Variants in MAJIN observed in about 807,000 individuals in gnomAD.
The protein encoded by MAJIN is membrane anchored junction protein, also known as membrane-anchored junction protein.
Under a neutral mutation model 30.2 loss-of-function variants are expected in MAJIN, and 27 were observed. That is an observed-to-expected ratio of 0.89 (90% confidence interval 0.66 to 1.23). MAJIN has a LOEUF of 1.23. Ranked by LOEUF, MAJIN falls within the 50% of genes most tolerant of loss-of-function variation. MAJIN has a pLI of 0.00. For missense variants in MAJIN, 253 were observed against 260.3 expected, an observed-to-expected ratio of 0.97 and a Z score of 0.19; for synonymous variants, 78 against 91.6, an observed-to-expected ratio of 0.85 and a Z score of 0.85.
intron 4 of MAJIN, among the ~76,000 whole-genome samples, chr11:64,952,645 G>A (rs1044356419): frequency 6.6e-6 from 1 of 152,150 alleles, no homozygotes; most frequent in African/African-American, 2.4e-5. Context: ...CTGAACCAAG[G>A]CAGCAGGGTT....
chr11:64,958,598 GAAAAAAAAAA>G (rs202169389), intron 3 of MAJIN, among the ~76,000 whole-genome samples: 3 of 102,518 alleles, frequency 2.9e-5, no homozygotes, highest in Non-Finnish European at 5.5e-5. Context: ...TGTCTTGGGA[GAAAAAAAAAA>G]AAAAAAAAAG....
chr11:64,939,177 CA>C (rs1945335014), intron 10 of MAJIN, among the ~76,000 whole-genome samples: 1 of 152,100 alleles, frequency 6.6e-6, no homozygotes, highest in Non-Finnish European at 1.5e-5. Flanking sequence ...GCCTCAGCCT[CA>C]CCTCCACCTC....
At chr11:64,957,262 T>G (rs1945651094) in intron 3 of MAJIN, among the ~76,000 whole-genome samples, 1 of 151,942 alleles carries the variant, frequency 6.6e-6, no homozygotes, top group African/African-American at 2.4e-5. Context: ...TTATTTTTTG[T>G]AGAGATGGGG....
At chr11:64,966,129 G>C (rs1005973270) in intron 1 of MAJIN, among the ~76,000 whole-genome samples, 2 of 57,250 alleles carry the variant, frequency 3.5e-5, no homozygotes, top group Non-Finnish European at 7.6e-5. Flanking sequence ...TACATGTAAG[G>C]AAGAAGATTA....
In MAJIN at chr11:64,972,052, A is replaced by G. The variant is rs1451943841; in HGVS notation, c.-240T>C. 1 of 152,230 alleles carries G rather than the reference A, an allele frequency of 6.6e-6. No individual in the cohort carries two copies. Among genetic ancestry groups the G allele is most frequent in the Non-Finnish European group, 1.5e-5 (1 of 68,050 alleles). The allele number at this position is 152,230 out of a possible 1,614,324, so 9.4% of individuals were successfully genotyped here. A position where few individuals can be genotyped will look rare whatever the true frequency, so the allele number is the denominator to read the frequency against. On this transcript the variant is annotated 5_prime_UTR_variant, in exon 1 of 11. Coordinates refer to ENST00000301896, the MANE Select transcript of MAJIN (RefSeq NM_001037225.3). Reference sequence around the variant, plus strand: ...TGAGGGACTGGCTCGCCAGCTCCTAAGCAACTTCGGGGCTCGTGCCGCGCA... The same window carrying G: ...TGAGGGACTGGCTCGCCAGCTCCTAGGCAACTTCGGGGCTCGTGCCGCGCA...
chr11:64,945,316 C>A (rs1168121249), intron 8 of MAJIN, among the ~76,000 whole-genome samples: 2 of 151,998 alleles, frequency 1.3e-5, no homozygotes, highest in Non-Finnish European at 2.9e-5. Flanking sequence ...CGAGATCGCA[C>A]CACTGCACTC....
At position 64,959,313 on chromosome 11, in the gene MAJIN, C is replaced by T. The variant is rs767657443; in HGVS notation, c.93G>A (p.Lys31=). The change falls in exon 3 of 11, where the codon AAG becomes AAA. Residue 31 remains lysine (K), a synonymous_variant. Coordinates refer to ENST00000301896, the MANE Select transcript of MAJIN (RefSeq NM_001037225.3). ...NVYKFKIRYG[K]SIRGEEIENK... ...CCTACCTTTGAAATTACCTGATACT[C>T]TTCCCATATCTGATTTTGAATTTAT... 6.2e-7 allele frequency: 1 copy of T among 1,611,928 alleles called. No individual in the cohort carries two copies. The highest frequency in any genetic ancestry group is 8.5e-7 in the Non-Finnish European group (1 of 1,178,074).
intron 5 of MAJIN, 86 bp from the exon 6 acceptor site, chr11:64,949,954 C>A: frequency 1.3e-6 from 2 of 1,500,006 alleles, no homozygotes; most frequent in Non-Finnish European, 1.8e-6. Flanking sequence ...TCTCCTTCCC[C>A]TGACCTACCC....
chr11:64,949,456 T>C (rs1238952886), intron 6 of MAJIN, among the ~76,000 whole-genome samples: 1 of 152,248 alleles, frequency 6.6e-6, no homozygotes, highest in African/African-American at 2.4e-5. Context: ...TTTGTACTTT[T>C]CATCTACTAC....
intron 3 of MAJIN, among the ~76,000 whole-genome samples, chr11:64,956,739 C>T (rs1009032470): frequency 2.0e-5 from 3 of 149,078 alleles, no homozygotes; most frequent in African/African-American, 7.4e-5. Flanking sequence ...TCCTACCTTT[C>T]CAAACTACAA....
intron 8 of MAJIN, among the ~76,000 whole-genome samples, chr11:64,947,095 AT>A (rs1339967359): frequency 6.6e-6 from 1 of 152,218 alleles, no homozygotes; most frequent in Non-Finnish European, 1.5e-5. Flanking sequence ...AGTAAGTATT[AT>A]TGAATGTGCT....
chr11:64,954,890 A>G, intron 3 of MAJIN, 88 bp from the exon 4 acceptor site: 1 of 1,140,812 alleles, frequency 8.8e-7, no homozygotes. Flanking sequence ...TAACACTTCC[A>G]CTGAGCTAAA....
At chr11:64,939,997 G>A in intron 9 of MAJIN, 1 of 418,198 alleles carries the variant, frequency 2.4e-6, no homozygotes, top group Non-Finnish European at 4.3e-6. Flanking sequence ...CACAGCTCAA[G>A]TTCCAGCCAT....
intron 6 of MAJIN, among the ~76,000 whole-genome samples, chr11:64,948,992 G>T (rs1288281619): frequency 1.3e-5 from 2 of 149,924 alleles, no homozygotes; most frequent in African/African-American, 4.9e-5. Context: ...GTGTTTACTT[G>T]TCCCTCAATC....
At chr11:64,958,451 AC>A (rs1482273228) in intron 3 of MAJIN, among the ~76,000 whole-genome samples, 1 of 151,782 alleles carries the variant, frequency 6.6e-6, no homozygotes, top group African/African-American at 2.4e-5. Flanking sequence ...CTTCATTTCT[AC>A]AAAAAAAATT....
At chr11:64,944,532 G>A (rs1035555783) in intron 8 of MAJIN, among the ~76,000 whole-genome samples, 4 of 152,126 alleles carry the variant, frequency 2.6e-5, no homozygotes, top group Admixed American at 6.5e-5. Context: ...GATGACACAC[G>A]CCAGTAGTCC....
chr11:64,967,355 G>T (rs980221120), intron 1 of MAJIN, among the ~76,000 whole-genome samples: 1 of 151,974 alleles, frequency 6.6e-6, no homozygotes, highest in African/African-American at 2.4e-5. Context: ...GCAATGAGCC[G>T]AGATGATACC....
At position 64,939,761 on chromosome 11, in the gene MAJIN, T is replaced by G. The variant is rs1341738310; in HGVS notation, c.553A>C (p.Ser185Arg). The G allele has an allele frequency of 6.2e-7, 1 of 1,613,622 alleles. No individual in the cohort carries two copies. The highest frequency in any genetic ancestry group is 2.2e-5 in the East Asian group (1 of 44,854). Residue 185 changes from serine to arginine, a missense_variant, in exon 10 of 11, where the codon AGT (serine) becomes CGT (arginine). Ser to Arg is a moderately radical substitution (Grantham distance 110). Coordinates refer to ENST00000301896, the MANE Select transcript of MAJIN (RefSeq NM_001037225.3). ...ISLMSRNKIL[S>R]GDTACQGELS... ...TCGCCCTGGCAGGCTGTGTCCCCAC[T>G]CAGAATCTGTAAGGAAAACAATCAG...
At chr11:64,963,510 G>A (rs1166378779) in intron 1 of MAJIN, among the ~76,000 whole-genome samples, 2 of 152,122 alleles carry the variant, frequency 1.3e-5, no homozygotes, top group Non-Finnish European at 1.5e-5. Flanking sequence ...ACAGTGTTGA[G>A]AAATAAAAGA....
Sources: gnomAD v4.1 joint callset for allele counts (sites outside exome capture counted in the v4.1 genomes callset) on GRCh38, gnomAD v4.1.1 for gene constraint, MANE v1.5 for transcripts, NCBI Gene and HGNC (gene_info 2026-07-23, HGNC 2026-07-21) for gene names.